The following NBAS variants were observed in gnomAD, a reference collection of about 807,000 sequenced individuals.
NBAS encodes the protein NBAS subunit of NRZ tethering complex, also known as NAG/BC035112 fusion.
Under a neutral mutation model 302.5 loss-of-function variants are expected in NBAS, and 219 were observed. That is an observed-to-expected ratio of 0.72 (90% CI 0.65 to 0.81). The LOEUF (loss-of-function observed/expected upper bound fraction) is 0.81. NBAS is among the 30% of genes least tolerant of loss of function. The pLI is 0.00. For missense variants in NBAS, 2,932 were observed against 2,841.6 expected (o/e 1.03, Z -0.72); for synonymous variants, 1,118 against 1,021.6 (o/e 1.09, Z -1.80).
At chr2:15,241,935 A>G (rs1667884199) in intron 44 of NBAS, among the ~76,000 whole-genome samples, 1 of 152,162 alleles carries the variant, frequency 6.6e-6, no homozygotes, top group South Asian at 2.1e-4. Flanking sequence ...CTTTGTCATT[A>G]CCTGGTGCTT....
At chr2:15,057,921 A>G in the NBAS span, among the ~76,000 whole-genome samples, 1 of 152,204 alleles carries the variant, frequency 6.6e-6, no homozygotes, top group East Asian at 1.9e-4. Flanking sequence ...AAGAATGGCC[A>G]TAATCAAATT....
chr2:15,274,378 G>A (rs933248138), intron 44 of NBAS, among the ~76,000 whole-genome samples: 1 of 152,118 alleles, frequency 6.6e-6, no homozygotes, highest in Non-Finnish European at 1.5e-5. Context: ...TTTGCGATAG[G>A]GTACTGGGCA....
the NBAS span, among the ~76,000 whole-genome samples, chr2:15,097,105 T>C: frequency 1.3e-5 from 2 of 152,124 alleles, no homozygotes; most frequent in East Asian, 3.9e-4. Flanking sequence ...AGTTAGCCTG[T>C]CCAAGGCAGG....
the NBAS span, among the ~76,000 whole-genome samples, chr2:14,906,645 G>A: frequency 1.3e-5 from 2 of 152,304 alleles, no homozygotes; most frequent in South Asian, 2.1e-4. Flanking sequence ...AGCCCTGGGG[G>A]TGGCATGGGC....
chr2:15,301,913 C>T (rs1249040290), intron 40 of NBAS, among the ~76,000 whole-genome samples: 1 of 152,152 alleles, frequency 6.6e-6, no homozygotes, highest in African/African-American at 2.4e-5. Context: ...ATGGGATGTG[C>T]AGAGCATGCT....
chr2:15,461,478 T>A, intron 20 of NBAS, 141 bp from the exon 21 acceptor site: 1 of 906,476 alleles, frequency 1.1e-6, no homozygotes, highest in Non-Finnish European at 1.8e-6. Context: ...TTTCCTAGCC[T>A]ATATCCTGTT....
At chr2:14,960,087 T>C in the NBAS span, among the ~76,000 whole-genome samples, 30 of 152,192 alleles carry the variant, frequency 2.0e-4, no homozygotes, top group Non-Finnish European at 3.7e-4. Context: ...ATGGATATGA[T>C]TTTTAGGTCA....
chr2:15,268,205 G>A (rs1057111296), intron 44 of NBAS, among the ~76,000 whole-genome samples: 1 of 152,192 alleles, frequency 6.6e-6, no homozygotes, highest in Non-Finnish European at 1.5e-5. Flanking sequence ...TCCCATTTCT[G>A]AGGAGAGAAG....
the NBAS span, among the ~76,000 whole-genome samples, chr2:14,897,506 ATAT>A: frequency 6.6e-6 from 1 of 152,266 alleles, no homozygotes; most frequent in East Asian, 1.9e-4. Context: ...TTATAATGAA[ATAT>A]TGATTGTCCT....
chr2:15,297,400 T>A (rs1558512687), intron 40 of NBAS, among the ~76,000 whole-genome samples: 1 of 152,226 alleles, frequency 6.6e-6, no homozygotes, highest in South Asian at 2.1e-4. Flanking sequence ...CATCTCGAAT[T>A]GTAATCCCCA....
Position 15,374,787 on chromosome 2 carries a change from T to C in NBAS, c.3591-67A>G, listed in dbSNP as rs1417066378. On this transcript the variant is annotated intron_variant, in intron 30 of 51. Transcript: ENST00000281513. ...GTTCACCTTTCTATACTCAACACCA[T>C]GAGATCTAACACATATTTATCAAAA... 3.9e-6 allele frequency: 5 copies of C among 1,288,254 alleles called. No individual in the cohort carries two copies. In the African/African-American group the frequency reaches 5.9e-5, roughly 15 times the overall value. 79.8% of individuals were successfully genotyped at this position (1,288,254 alleles called of 1,614,324 possible).
At chr2:15,370,101 G>A (rs13395342) in intron 31 of NBAS, among the ~76,000 whole-genome samples, 6,065 of 152,228 alleles carry the variant, frequency 0.04, 406 homozygotes, top group African/African-American at 0.14. Context: ...AGAATCTTTT[G>A]CTCTCACATC....
intron 15 of NBAS, among the ~76,000 whole-genome samples, chr2:15,473,637 C>T (rs141106625): frequency 3.1e-3 from 465 of 152,318 alleles, no homozygotes; most frequent in Non-Finnish European, 5.7e-3. Flanking sequence ...TAGTCCAGAG[C>T]TCCTACCACG....
In NBAS at chr2:15,445,518, G is replaced by A. The variant is rs190013967; in HGVS notation, c.2339+15683C>T. 1.8e-5 allele frequency among the ~76,000 whole-genome samples: 2 copies of A among 110,302 alleles called. 1 individual carries two copies. The highest frequency in any genetic ancestry group is 6.8e-4 in the East Asian group (2 of 2,946). 72.4% of individuals were successfully genotyped at this position (110,302 alleles called of 152,430 possible). Reference sequence around the variant, plus strand: ...TGGGGACTGTTGTGGGGTGGGGGGAGGGGGGAGGGATAGCATTGGGAGATA... The same window carrying A: ...TGGGGACTGTTGTGGGGTGGGGGGAAGGGGGAGGGATAGCATTGGGAGATA... On this transcript the variant is annotated intron_variant, in intron 21 of 51. Transcript: ENST00000281513.
rs189904244 is a variant in NBAS, at chr2:15,481,461, G to C, written c.1084-3172C>G. Among the ~76,000 whole-genome samples, 5 of 152,214 alleles carry C rather than the reference G, an allele frequency of 3.3e-5. No individual in the cohort carries two copies. The East Asian group carries it at 9.7e-4, about 29-fold the overall frequency. On this transcript the variant is annotated intron_variant, in intron 12 of 51. Transcript: ENST00000281513. ...CCACATCTGATACACACTGTAAACT[G>C]GTGCTCCGTGGACAGGATCACCAAA...
chr2:15,138,781 G>T, the NBAS span, among the ~76,000 whole-genome samples: 7 of 152,188 alleles, frequency 4.6e-5, no homozygotes, highest in Admixed American at 4.6e-4. Context: ...TTGTGCAGTG[G>T]CTGAACTGGA....
the NBAS span, among the ~76,000 whole-genome samples, chr2:14,802,341 G>A: frequency 1.7e-4 from 25 of 149,990 alleles, no homozygotes; most frequent in African/African-American, 3.2e-4. Context: ...GTAGGTATGC[G>A]GCATTATTTC....
chr2:14,871,929 T>C, the NBAS span, among the ~76,000 whole-genome samples: 1 of 152,124 alleles, frequency 6.6e-6, no homozygotes, highest in African/African-American at 2.4e-5. Flanking sequence ...AACACAACAA[T>C]TTGTAGACAG....
chr2:15,243,771 G>A (rs1667967577), intron 44 of NBAS, among the ~76,000 whole-genome samples: 1 of 152,078 alleles, frequency 6.6e-6, no homozygotes, highest in South Asian at 2.1e-4. Flanking sequence ...ATCGGAAGCA[G>A]GAGTGAAACA....
Sources: gnomAD v4.1 joint callset for allele counts (sites outside exome capture counted in the v4.1 genomes callset) on GRCh38, gnomAD v4.1.1 for gene constraint, MANE v1.5 for transcripts, NCBI Gene and HGNC (gene_info 2026-07-23, HGNC 2026-07-21) for gene names.